GDF9: variants seen among roughly 807,000 people sequenced by gnomAD.
GDF9 encodes growth/differentiation factor 9.
A neutral mutation model predicts 33.8 loss-of-function variants in GDF9; 30 were observed. That is an observed-to-expected ratio of 0.89 (90% CI 0.66 to 1.20). The LOEUF (loss-of-function observed/expected upper bound fraction) is 1.20. GDF9 is among the 50% of genes most tolerant of loss of function. The pLI, the probability that GDF9 is intolerant of heterozygous loss-of-function variation, is 0.00. For synonymous variants in GDF9, 205 were observed against 200.7 expected, an observed-to-expected ratio of 1.02 and a Z score of -0.18; for missense variants, 556 against 543.7, an observed-to-expected ratio of 1.02 and a Z score of -0.22.
At position 132,864,122 on chromosome 5, in the gene GDF9, T is replaced by C. The variant is rs1759439537; in HGVS notation, c.397+15A>G. On this transcript the variant is annotated intron_variant, in intron 1 of 1. Coordinates refer to ENST00000687138, the MANE Select transcript of GDF9 (RefSeq NM_005260.7). ...ATCTTCCCTCCACCCAGTTAACCAA[T>C]CTGCTTTCACATACCTGTTACCTGG... 2 of 1,613,954 alleles carry C rather than the reference T, an allele frequency of 1.2e-6. No individual in the cohort carries two copies. Among genetic ancestry groups the C allele is most frequent in the Non-Finnish European group, 1.7e-6 (2 of 1,179,840 alleles).
Position 132,861,401 on chromosome 5 carries a change from T to C in GDF9, c.*188A>G, listed in dbSNP as rs1466757698. On this transcript the variant is annotated 3_prime_UTR_variant, in exon 2 of 2. Coordinates refer to ENST00000687138, the MANE Select transcript of GDF9 (RefSeq NM_005260.7). The stretch of plus-strand genomic sequence containing the variant: ...AATTTGGAAATAAAAAAAGGCTCTG[T>C]AGCAACAATTGATGTTATCCCTTTA... The C allele has an allele frequency of 1.0e-5, 6 of 597,438 alleles. No individual in the cohort carries two copies. The East Asian group carries it at 1.4e-4, about 14-fold the overall frequency. The allele number at this position is 597,438 out of a possible 1,614,324, so 37.0% of individuals were successfully genotyped here.
rs1354238859 is a variant in GDF9, at chr5:132,864,611, C to G, written c.-78G>C. ...AAGGCCAGGAAGAGCCTAGCTTGGTCTCTTAAATAAATTTCAGGTGTGTGG... is the reference window on the plus strand; with the variant it reads ...AAGGCCAGGAAGAGCCTAGCTTGGTGTCTTAAATAAATTTCAGGTGTGTGG... On this transcript the variant is annotated 5_prime_UTR_variant, in exon 1 of 2. Transcript: ENST00000687138. 6.8e-7 allele frequency: 1 copy of G among 1,480,832 alleles called. No individual in the cohort carries two copies. Among genetic ancestry groups the G allele is most frequent in the Non-Finnish European group, 9.3e-7 (1 of 1,075,712 alleles). 91.7% of individuals were successfully genotyped at this position (1,480,832 alleles called of 1,614,324 possible). A position where few individuals can be genotyped will look rare whatever the true frequency, so the allele number is the denominator to read the frequency against.
chr5:132,861,571 T>C lies in GDF9; in HGVS notation c.*18A>G. 1 of 1,611,914 alleles carries C rather than the reference T, an allele frequency of 6.2e-7. No homozygotes were observed. The highest frequency in any genetic ancestry group is 8.5e-7 in the Non-Finnish European group (1 of 1,178,100). ...GTTACTTTGCCAAATAGGCTCAAGG[T>C]TTTAAGAGGACCATTTGTTAACGAC... On this transcript the variant is annotated 3_prime_UTR_variant, in exon 2 of 2. Coordinates refer to ENST00000687138, the MANE Select transcript of GDF9 (RefSeq NM_005260.7).
Position 132,862,247 on chromosome 5 carries a change from T to C in GDF9, c.707A>G (p.Asn236Ser). 6.2e-7 allele frequency: 1 copy of C among 1,613,896 alleles called. No homozygotes were observed. ...SNKRSIHMSI[N>S]FTCMKDQLEH... ...CAGCTGGTCTTTCATGCAAGTAAAA[T>C]TTATAGACATGTGAATACTTCTCTT... is the stretch of plus-strand genomic sequence containing the variant. The change falls in exon 2 of 2, where the codon AAT becomes AGT. Residue 236 changes from asparagine (N) to serine (S), a missense_variant. Coordinates refer to ENST00000687138, the MANE Select transcript of GDF9 (RefSeq NM_005260.7).
chr5:132,862,538 T>C lies in GDF9; in HGVS notation c.416A>G (p.Glu139Gly), dbSNP rs755632730. 1.2e-6 allele frequency: 2 copies of C among 1,607,834 alleles called. No individual in the cohort carries two copies. Among genetic ancestry groups the C allele is most frequent in the South Asian group, 2.2e-5 (2 of 91,030 alleles). The change falls in exon 2 of 2, where the codon GAA (glutamate) becomes GGA (glycine). Residue 139 changes from glutamate to glycine, a missense_variant. By Grantham distance (98) the Glu-to-Gly change is moderately conservative. Coordinates refer to ENST00000687138, the MANE Select transcript of GDF9 (RefSeq NM_005260.7). ...AATGCGATCCAGGTTAAATAGCAGT[T>C]CCACTGATGGAAGGATTCCTAAGAA... Reference protein sequence around the residue: ...DQVTGILPSVELLFNLDRITT... With the variant: ...DQVTGILPSVGLLFNLDRITT...
At chr5:132,866,558 C>CT (rs1759618743), upstream of GDF9, 6 of 412,556 alleles carry the variant, frequency 1.5e-5, no homozygotes, top group Non-Finnish European at 2.7e-5. Flanking sequence ...AAGGCGTCAT[C>CT]CCTTAGAGAC....
chr5:132,863,237 C>G (rs1759384107), intron 1 of GDF9, among the ~76,000 whole-genome samples: 1 of 152,118 alleles, frequency 6.6e-6, no homozygotes, highest in Non-Finnish European at 1.5e-5. Flanking sequence ...AATAGAAACA[C>G]TTATCAGACT....
Position 132,864,820 on chromosome 5 carries a change from C to T in GDF9, c.-287G>A, listed in dbSNP as rs1431184413. 2.4e-6 allele frequency: 1 copy of T among 423,494 alleles called. No homozygotes were observed. The highest frequency in any genetic ancestry group is 4.2e-6 in the Non-Finnish European group (1 of 236,714). The allele number at this position is 423,494 out of a possible 1,614,324, so 26.2% of individuals were successfully genotyped here. A position where few individuals can be genotyped will look rare whatever the true frequency, so the allele number is the denominator to read the frequency against. On this transcript the variant is annotated 5_prime_UTR_variant, in exon 1 of 2. The change creates a new upstream start codon in the 5' untranslated region. Coordinates refer to ENST00000687138, the MANE Select transcript of GDF9 (RefSeq NM_005260.7). Reference sequence around the variant, plus strand: ...TTACGTAAAACCCGTTACTGTTACACTACCGGACTAACTATGTAGCTGAAA... The same window carrying T: ...TTACGTAAAACCCGTTACTGTTACATTACCGGACTAACTATGTAGCTGAAA...
Position 132,864,191 on chromosome 5 carries a change from G to C in GDF9, c.343C>G (p.Arg115Gly). 1 of 1,614,134 alleles carries C rather than the reference G, an allele frequency of 6.2e-7. No individual in the cohort carries two copies. The highest frequency in any genetic ancestry group is 8.5e-7 in the Non-Finnish European group (1 of 1,180,012). Reference sequence around the variant, plus strand: ...TGCCGGGTACAGGGGGTGAAGAGCCGAACAGTGTTGTAGAGGTGACTTCTA... The same window carrying C: ...TGCCGGGTACAGGGGGTGAAGAGCCCAACAGTGTTGTAGAGGTGACTTCTA... Reference protein sequence around the residue: ...SNRSHLYNTVRLFTPCTRHKQ... With the variant: ...SNRSHLYNTVGLFTPCTRHKQ... The change falls in exon 1 of 2, where the codon CGG becomes GGG. Residue 115 changes from arginine to glycine, a missense_variant. Physicochemically the swap from Arg to Gly is moderately radical, Grantham distance 125 (BLOSUM62 -2). Coordinates refer to ENST00000687138, the MANE Select transcript of GDF9 (RefSeq NM_005260.7).
chr5:132,864,363 G>A lies in GDF9; in HGVS notation c.171C>T (p.Asp57=). ...WSLLQHIDER[D]RAGLLPALFK... is the part of the protein sequence containing the mutation. ...AAAGCGCGGGAAGGAGGCCAGCTCT[G>A]TCTCTCTCATCTATATGCTGCAGCA... Residue 57 remains aspartate (D), a synonymous_variant, in exon 1 of 2, where the codon GAC becomes GAT. Transcript: ENST00000687138. 3 of 1,614,182 alleles carry A rather than the reference G, an allele frequency of 1.9e-6. No homozygotes were observed. The highest frequency in any genetic ancestry group is 2.5e-6 in the Non-Finnish European group (3 of 1,180,026).
chr5:132,864,552 A>T lies in GDF9; in HGVS notation c.-19T>A, dbSNP rs1167754047. 6.2e-7 allele frequency: 1 copy of T among 1,601,126 alleles called. No individual in the cohort carries two copies. Among genetic ancestry groups the T allele is most frequent in the Non-Finnish European group, 8.5e-7 (1 of 1,179,426 alleles). ...GTGCCATGGCTTGGGAGAACTAGTGAGGAACATATTTCTCCATGCCAGTCC... is the reference window on the plus strand; with the variant it reads ...GTGCCATGGCTTGGGAGAACTAGTGTGGAACATATTTCTCCATGCCAGTCC... On this transcript the variant is annotated 5_prime_UTR_variant, in exon 1 of 2. Coordinates refer to ENST00000687138, the MANE Select transcript of GDF9 (RefSeq NM_005260.7).
Position 132,862,366 on chromosome 5 carries a change from T to C in GDF9, c.588A>G (p.Ser196=), listed in dbSNP as rs770542892. The change falls in exon 2 of 2, where the codon TCA becomes TCG. Residue 196 remains serine, a synonymous_variant. Coordinates refer to ENST00000687138, the MANE Select transcript of GDF9 (RefSeq NM_005260.7). Reference sequence around the variant, plus strand: ...ATTCAAACTGTGAGTTAAAGGTAAATGAGTATGGAGCTCTGCCGAGAGTCC... The same window carrying C: ...ATTCAAACTGTGAGTTAAAGGTAAACGAGTATGGAGCTCTGCCGAGAGTCC... The part of the protein sequence containing the change: ...SSRTLGRAPY[S]FTFNSQFEFG... 3 of 1,614,004 alleles carry C rather than the reference T, an allele frequency of 1.9e-6. No homozygotes were observed. The highest frequency in any genetic ancestry group is 3.3e-5 in the Admixed American group (2 of 60,034).
chr5:132,864,957 T>C lies in GDF9; in HGVS notation c.-424A>G, dbSNP rs1342575331. ...AAACTTCTAAGGCATGTGGAAAAGC[T>C]AACCAATTATTCATGACGATACTCA... On this transcript the variant is annotated 5_prime_UTR_variant, in exon 1 of 2. Coordinates refer to ENST00000687138, the MANE Select transcript of GDF9 (RefSeq NM_005260.7). The C allele has an allele frequency of 5.2e-6, 1 of 192,716 alleles. No individual in the cohort carries two copies. The highest frequency in any genetic ancestry group is 1.1e-5 in the Non-Finnish European group (1 of 92,056). The allele number at this position is 192,716 out of a possible 1,614,324, so 11.9% of individuals were successfully genotyped here.
intron 1 of GDF9, 127 bp from the exon 2 acceptor site, chr5:132,862,683 A>G (rs543989568): frequency 1.4e-6 from 1 of 706,478 alleles, no homozygotes; most frequent in African/African-American, 1.8e-5. Flanking sequence ...TCAAGCCTCA[A>G]AAAAAAAAAT....
Position 132,861,610 on chromosome 5 carries a change from A to G in GDF9, c.1344T>C (p.Ala448=), listed in dbSNP as rs1315371664. The G allele has an allele frequency of 6.2e-7, 1 of 1,613,668 alleles. No individual in the cohort carries two copies. The highest frequency in any genetic ancestry group is 1.6e-4 in the Middle Eastern group (1 of 6,062). Residue 448 remains alanine (A), a synonymous_variant, in exon 2 of 2, where the codon GCT becomes GCC. Transcript: ENST00000687138. ...IAYKEYEDMI[A]TKCTCR is the part of the protein sequence containing the mutation. ...TTTGTTAACGACAGGTGCACTTTGT[A>G]GCTATCATATCTTCGTACTCTTTAT...
rs917871398 is a variant in GDF9, at chr5:132,866,467, T to C, written c.-1934A>G. On this transcript the variant is annotated 5_prime_UTR_variant, in exon 1 of 2. Coordinates refer to ENST00000687138, the MANE Select transcript of GDF9 (RefSeq NM_005260.7). ...CAATCCCCGACGTCCTCCGCTAGGC[T>C]CCACCCCACCGGCCCGGGCAGGGCC... The C allele has an allele frequency of 1.5e-5, 4 of 260,200 alleles. No individual in the cohort carries two copies. The Admixed American group carries it at 2.1e-4, about 13-fold the overall frequency. 16.1% of individuals were successfully genotyped at this position (260,200 alleles called of 1,614,324 possible).
At chr5:132,863,261 T>C (rs1223367694) in intron 1 of GDF9, among the ~76,000 whole-genome samples, 1 of 152,164 alleles carries the variant, frequency 6.6e-6, no homozygotes, top group East Asian at 1.9e-4. Context: ...TAAGATGACA[T>C]TCTAAGCCCT....
In GDF9 at chr5:132,864,440, C is replaced by A. The variant is rs753031530; in HGVS notation, c.94G>T (p.Ala32Ser). The change falls in exon 1 of 2, where the codon GCT (alanine) becomes TCT (serine). Residue 32 changes from alanine (A) to serine (S), a missense_variant. Transcript: ENST00000687138. ...SLGSQASGGE[A>S]QIAASAELES... ...AACTCAGCACTAGCAGCAATCTGAGCTTCTCCCCCAGAAGCCTGAGAACCA... is the reference window on the plus strand; with the variant it reads ...AACTCAGCACTAGCAGCAATCTGAGATTCTCCCCCAGAAGCCTGAGAACCA... The A allele has an allele frequency of 3.7e-6, 6 of 1,613,638 alleles. No homozygotes were observed. In the East Asian group the frequency reaches 8.9e-5, roughly 24 times the overall value.
chr5:132,863,187 T>C (rs911347784), intron 1 of GDF9, among the ~76,000 whole-genome samples: 4 of 152,214 alleles, frequency 2.6e-5, no homozygotes, highest in Non-Finnish European at 1.5e-5. Context: ...ATAAGGAAAG[T>C]AGTATTTTTC....
Sources: allele counts gnomAD v4.1 joint callset (sites outside exome capture counted in the v4.1 genomes callset), GRCh38; gene constraint gnomAD v4.1.1; transcripts MANE v1.5; gene names NCBI Gene and HGNC (gene_info 2026-07-23, HGNC 2026-07-21).